The following PARP8 variants were observed in gnomAD, a reference collection of about 807,000 sequenced individuals.
The protein encoded by PARP8 is poly(ADP-ribose) polymerase family member 8.
PARP8 carries 51 observed loss-of-function variants against 124.1 expected under a neutral mutation model. The ratio of observed to expected loss-of-function variants is 0.41; its 90% CI spans 0.33 to 0.52. The LOEUF (loss-of-function observed/expected upper bound fraction) is 0.52, where lower values mean the gene tolerates loss of function less well. PARP8 is among the 20% of genes least tolerant of loss of function. The probability of loss-of-function intolerance (pLI) is 0.21; values close to 1 mark genes in which losing one functional copy is unlikely to be tolerated. For missense variants in PARP8, 860 were observed against 1,018.9 expected (o/e 0.84, Z 2.12); for synonymous variants, 391 against 361.5 (o/e 1.08, Z -0.93).
chr5:50,795,328 GAACCT>G lies in PARP8; in HGVS notation c.1343_1347del (p.Pro448ArgfsTer47). The stretch of plus-strand genomic sequence containing the variant: ...GTCATCCAAAACTGAGCTTTTCAAG[GAACCT>G]AACGCAGAGGGCAGGAGGCTCTCTC... On this transcript the variant is annotated frameshift_variant, in exon 12 of 26. Coordinates refer to ENST00000281631, the MANE Select transcript of PARP8 (RefSeq NM_024615.4). LOFTEE classifies it high-confidence loss of function. The G allele has an allele frequency of 6.2e-7, 1 of 1,614,122 alleles. No homozygotes were observed. Among genetic ancestry groups the G allele is most frequent in the East Asian group, 2.2e-5 (1 of 44,870 alleles).
chr5:50,700,360 A>G (rs918390960), intron 2 of PARP8, among the ~76,000 whole-genome samples: 31 of 152,216 alleles, frequency 2.0e-4, no homozygotes, highest in African/African-American at 7.5e-4. Context: ...TATTCTGTAG[A>G]TAACTTCATT....
chr5:50,757,487 T>G (rs1445586589), intron 3 of PARP8, among the ~76,000 whole-genome samples: 1 of 152,130 alleles, frequency 6.6e-6, no homozygotes, highest in African/African-American at 2.4e-5. Context: ...ATAACGGCAA[T>G]TTAATAAATA....
In PARP8 at chr5:50,782,590, G is replaced by A. The variant is rs769547255; in HGVS notation, c.670+3940G>A. 3.3e-4 allele frequency among the ~76,000 whole-genome samples: 51 copies of A among 152,244 alleles called. 1 individual carries two copies. Among genetic ancestry groups the A allele is most frequent in the Admixed American group, 5.2e-4 (8 of 15,288 alleles). ...ATAAAAAAGAAAATATTTATGAAGA[G>A]TGTTTGTGCTATGCCCATAATGCCT... On this transcript the variant is annotated intron_variant, in intron 9 of 25. Coordinates refer to ENST00000281631, the MANE Select transcript of PARP8 (RefSeq NM_024615.4).
At chr5:50,761,401 G>C (rs1760527584) in intron 5 of PARP8, among the ~76,000 whole-genome samples, 1 of 151,946 alleles carries the variant, frequency 6.6e-6, no homozygotes, top group Admixed American at 6.6e-5. Context: ...TGCATTTAAA[G>C]TTTCTTTTTT....
chr5:50,783,289 C>A (rs375425938), intron 9 of PARP8, among the ~76,000 whole-genome samples: 2 of 152,046 alleles, frequency 1.3e-5, no homozygotes, highest in Non-Finnish European at 2.9e-5. Context: ...GTCCAACCAG[C>A]GCTTCCATTA....
intron 2 of PARP8, among the ~76,000 whole-genome samples, chr5:50,741,441 C>T (rs1441479869): frequency 6.6e-6 from 1 of 152,038 alleles, no homozygotes. Context: ...TTAAAAATAC[C>T]ATTATAAAGC....
chr5:50,752,258 T>C (rs938009101), intron 3 of PARP8, among the ~76,000 whole-genome samples: 3 of 152,042 alleles, frequency 2.0e-5, no homozygotes, highest in African/African-American at 2.4e-5. Context: ...ATGAGAATTA[T>C]GTGTTTTGTC....
chr5:50,796,051 C>G (rs577223524), intron 12 of PARP8, among the ~76,000 whole-genome samples: 1 of 152,272 alleles, frequency 6.6e-6, no homozygotes, highest in South Asian at 2.1e-4. Flanking sequence ...AAGAGTAACT[C>G]TTACACAAAA....
At chr5:50,828,113 T>C in intron 20 of PARP8, 57 bp downstream of exon 20, 1 of 1,304,342 alleles carries the variant, frequency 7.7e-7, no homozygotes, top group Non-Finnish European at 1.1e-6. Context: ...TCCAGAAATG[T>C]ATGGGGAAGA....
intron 2 of PARP8, among the ~76,000 whole-genome samples, chr5:50,743,941 T>C (rs1032477303): frequency 2.6e-5 from 4 of 152,124 alleles, no homozygotes; most frequent in Non-Finnish European, 5.9e-5. Flanking sequence ...AGGATGTAGT[T>C]TATTGGAGAA....
At chr5:50,689,808 T>G (rs990285002) in intron 2 of PARP8, among the ~76,000 whole-genome samples, 21 of 152,200 alleles carry the variant, frequency 1.4e-4, no homozygotes, top group Admixed American at 3.9e-4. Context: ...AGGTAACTTC[T>G]AAATGAGGCA....
intron 17 of PARP8, among the ~76,000 whole-genome samples, chr5:50,822,896 T>C (rs1174520860): frequency 2.6e-5 from 4 of 152,076 alleles, no homozygotes; most frequent in Non-Finnish European, 5.9e-5. Context: ...TTGGTGGAAA[T>C]AGTTTGATGA....
Position 50,778,669 on chromosome 5 carries a change from TTTA to T in PARP8, c.670+25_670+27del. 1 of 1,514,312 alleles carries T rather than the reference TTTA, an allele frequency of 6.6e-7. No homozygotes were observed. Among genetic ancestry groups the T allele is most frequent in the Non-Finnish European group, 9.0e-7 (1 of 1,112,830 alleles). 93.8% of individuals were successfully genotyped at this position (1,514,312 alleles called of 1,614,324 possible). ...GGCCCAGGTTAGTTTTATTTCTTTA[TTTA>T]TTATTTTGAATATTAATTAGCTGTG... On this transcript the variant is annotated intron_variant, in intron 9 of 25. Transcript: ENST00000281631.
intron 21 of PARP8, 98 bp from the exon 22 acceptor site, chr5:50,829,793 TA>T: frequency 8.5e-7 from 1 of 1,172,624 alleles, no homozygotes. Flanking sequence ...CATTTTTTTG[TA>T]AGACTGAATG....
At chr5:50,822,192 A>C (rs1243041044) in intron 16 of PARP8, 143 bp from the exon 17 acceptor site, 11 of 660,948 alleles carry the variant, frequency 1.7e-5, no homozygotes, top group Non-Finnish European at 2.7e-5. Flanking sequence ...CTTCCCTTTT[A>C]TGTACACCAA....
chr5:50,768,333 A>C (rs908941055), intron 7 of PARP8, among the ~76,000 whole-genome samples: 4 of 152,194 alleles, frequency 2.6e-5, no homozygotes, highest in Non-Finnish European at 4.4e-5. Flanking sequence ...TTGAAAAAAA[A>C]AACTTTATAC....
intron 9 of PARP8, among the ~76,000 whole-genome samples, chr5:50,781,008 A>G (rs1561370618): frequency 1.3e-5 from 2 of 152,126 alleles, no homozygotes; most frequent in Admixed American, 6.5e-5. Context: ...AATTCACCTC[A>G]AGTACATTTT....
chr5:50,730,954 G>A (rs191732806), intron 2 of PARP8, among the ~76,000 whole-genome samples: 2 of 152,308 alleles, frequency 1.3e-5, no homozygotes, highest in African/African-American at 2.4e-5. Context: ...ACTTTACACC[G>A]TTGACTGCAT....
chr5:50,703,446 A>T (rs1365654868), intron 2 of PARP8, among the ~76,000 whole-genome samples: 1 of 152,118 alleles, frequency 6.6e-6, no homozygotes, highest in Non-Finnish European at 1.5e-5. Context: ...GTCCTGCTCA[A>T]TGAGATCATT....
Sources: gnomAD v4.1 joint callset for allele counts (sites outside exome capture counted in the v4.1 genomes callset) on GRCh38, gnomAD v4.1.1 for gene constraint, MANE v1.5 for transcripts, NCBI Gene and HGNC (gene_info 2026-07-23, HGNC 2026-07-21) for gene names.